RTL1: variants seen among roughly 807,000 people sequenced by gnomAD.
The protein encoded by RTL1 is retrotransposon-like protein 1.
For synonymous variants in RTL1, 727 were observed against 748.4 expected (o/e 0.97, Z 0.47); for missense variants, 1,681 against 1,767.5 (o/e 0.95, Z 0.88).
At position 100,893,862 on chromosome 14, in the gene RTL1, A is replaced by C. The variant is rs2038816428; in HGVS notation, c.-148-357T>G. 6.6e-6 allele frequency among the ~76,000 whole-genome samples: 1 copy of C among 152,222 alleles called. No individual in the cohort carries two copies. Among genetic ancestry groups the C allele is most frequent in the African/African-American group, 2.4e-5 (1 of 41,464 alleles). ...CACACCCGGGCCCACGCTCACTTTA[A>C]TAACCCGGACTGGGCAAGGACTAAG... On this transcript the variant is annotated intron_variant, in intron 2 of 3. Coordinates refer to ENST00000649591, the MANE Select transcript of RTL1 (RefSeq NM_001134888.3). The surrounding 1 kb of genome is among the most constrained non-coding windows in gnomAD (Gnocchi z 4.2).
chr14:100,884,001 A>G lies in RTL1; in HGVS notation c.788T>C (p.Leu263Pro). ...AKALLQENSP[L>P]IGDFPAFLEA... ...CAGGAAGGCTGGGAAGTCTCCGATCAGGGGGCTGTTTTCCTGCAGTAGAGC... is the reference window on the plus strand; with the variant it reads ...CAGGAAGGCTGGGAAGTCTCCGATCGGGGGGCTGTTTTCCTGCAGTAGAGC... Residue 263 changes from leucine (L) to proline (P), a missense_variant, in exon 4 of 4, where the codon CTG (leucine) becomes CCG (proline). Transcript: ENST00000649591. 3 of 1,551,708 alleles carry G rather than the reference A, an allele frequency of 1.9e-6. No individual in the cohort carries two copies. The highest frequency in any genetic ancestry group is 2.6e-6 in the Non-Finnish European group (3 of 1,147,004).
chr14:100,896,957 G>A (rs953233933), intron 2 of RTL1, among the ~76,000 whole-genome samples: 12 of 152,008 alleles, frequency 7.9e-5, no homozygotes, highest in Non-Finnish European at 1.5e-4. Context: ...CAAGAACACC[G>A]GCCAGGGCAT....
chr14:100,884,437 A>T lies in RTL1; in HGVS notation c.352T>A (p.Ser118Thr). 1 of 1,613,780 alleles carries T rather than the reference A, an allele frequency of 6.2e-7. No homozygotes were observed. The highest frequency in any genetic ancestry group is 1.7e-5 in the Admixed American group (1 of 59,978). Residue 118 changes from serine (S) to threonine (T), a missense_variant, in exon 4 of 4, where the codon TCT (serine) becomes ACT (threonine). Physicochemically the swap from Ser to Thr is moderately conservative, Grantham distance 58. Coordinates refer to ENST00000649591, the MANE Select transcript of RTL1 (RefSeq NM_001134888.3). ...ACTGATGCTTCTTTCATCCTATCAG[A>T]TGCTCCACTGAGTGGATCCCCCCTT... ...QARGDPLSGA[S>T]DRMKEASVNP...
intron 3 of RTL1, among the ~76,000 whole-genome samples, chr14:100,891,531 G>T (rs1297043030): frequency 1.3e-5 from 2 of 152,182 alleles, no homozygotes; most frequent in Non-Finnish European, 2.9e-5. Context: ...GGGAGTGCCT[G>T]GGCCCAGCAG....
Position 100,884,465 on chromosome 14 carries a change from C to T in RTL1, c.324G>A (p.Gln108=). Residue 108 remains glutamine, a synonymous_variant, in exon 4 of 4, where the codon CAG becomes CAA. Coordinates refer to ENST00000649591, the MANE Select transcript of RTL1 (RefSeq NM_001134888.3). ...DLEESCNGSH[Q]ARGDPLSGAS... ...CTCCACTGAGTGGATCCCCCCTTGC[C>T]TGGTGTGAACCGTTGCATGACTCCT... is the stretch of plus-strand genomic sequence containing the variant. 1 of 1,614,196 alleles carries T rather than the reference C, an allele frequency of 6.2e-7. No homozygotes were observed. Among genetic ancestry groups the T allele is most frequent in the South Asian group, 1.1e-5 (1 of 91,076 alleles).
At position 100,882,556 on chromosome 14, in the gene RTL1, G is replaced by A; in HGVS notation, c.2233C>T (p.His745Tyr). Residue 745 changes from histidine (H) to tyrosine (Y), a missense_variant, in exon 4 of 4, where the codon CAC becomes TAC. His to Tyr is a moderately conservative substitution (Grantham distance 83). Coordinates refer to ENST00000649591, the MANE Select transcript of RTL1 (RefSeq NM_001134888.3). ...AGGACTTGGCGGACGTGGTGGAGGT[G>A]CTCCTCCTGACTCATTGAGTAGATC... ...VLIYSMSQEE[H>Y]LHHVRQVLVR... 6.4e-7 allele frequency: 1 copy of A among 1,551,774 alleles called. No homozygotes were observed. The highest frequency in any genetic ancestry group is 8.7e-7 in the Non-Finnish European group (1 of 1,147,034).
intron 2 of RTL1, among the ~76,000 whole-genome samples, chr14:100,901,868 C>G (rs1000568738): frequency 1.3e-5 from 2 of 152,238 alleles, no homozygotes. Context: ...CGCCAACCAT[C>G]TCTGTGCCTT....
intron 2 of RTL1, among the ~76,000 whole-genome samples, chr14:100,899,918 A>G (rs1436802702): frequency 6.6e-6 from 1 of 152,076 alleles, no homozygotes; most frequent in East Asian, 1.9e-4. Context: ...GGGAGACCCA[A>G]CAGAGGACAA....
At chr14:100,892,840 C>A (rs755488) in intron 3 of RTL1, among the ~76,000 whole-genome samples, 1 of 152,024 alleles carries the variant, frequency 6.6e-6, no homozygotes, top group Non-Finnish European at 1.5e-5. Context: ...CTGTGTCAGG[C>A]GTGATTCTAG....
At position 100,882,838 on chromosome 14, in the gene RTL1, G is replaced by A; in HGVS notation, c.1951C>T (p.Pro651Ser). The A allele has an allele frequency of 6.4e-7, 1 of 1,553,680 alleles. No individual in the cohort carries two copies. The highest frequency in any genetic ancestry group is 8.7e-7 in the Non-Finnish European group (1 of 1,147,652). ...CCGTGTAACTGGTCAAACAGTTCCGGAATCATCTGTATGTAGTCCTGTCTG... is the reference window on the plus strand; with the variant it reads ...CCGTGTAACTGGTCAAACAGTTCCGAAATCATCTGTATGTAGTCCTGTCTG... ...TNRQDYIQMI[P>S]ELFDQLHGAE... Residue 651 changes from proline to serine, a missense_variant, in exon 4 of 4, where the codon CCG becomes TCG. Transcript: ENST00000649591.
At chr14:100,888,464 TG>T (rs1456715380) in intron 3 of RTL1, among the ~76,000 whole-genome samples, 1 of 124,140 alleles carries the variant, frequency 8.1e-6, no homozygotes, top group East Asian at 2.0e-4. Flanking sequence ...AGCCCTTTAT[TG>T]GCTTAAATCC....
At chr14:100,903,054 A>C (rs1469743479) in intron 2 of RTL1, among the ~76,000 whole-genome samples, 1 of 152,182 alleles carries the variant, frequency 6.6e-6, no homozygotes, top group Non-Finnish European at 1.5e-5. Flanking sequence ...AGGCAGCATA[A>C]ATGACATGCA....
At chr14:100,891,072 G>A (rs1220668394) in intron 3 of RTL1, among the ~76,000 whole-genome samples, 2 of 152,134 alleles carry the variant, frequency 1.3e-5, no homozygotes, top group East Asian at 1.9e-4. Context: ...ATTCCTGGGG[G>A]CTTCCTGAGG....
chr14:100,894,944 G>GC (rs2038834579), intron 2 of RTL1: 1 of 152,188 alleles, frequency 6.6e-6, no homozygotes, highest in South Asian at 2.1e-4. Flanking sequence ...CAGCCCTGCT[G>GC]CCCCCAAGAT....
Position 100,882,188 on chromosome 14 carries a change from G to C in RTL1, c.2601C>G (p.His867Gln), listed in dbSNP as rs893527216. The change falls in exon 4 of 4, where the codon CAC (histidine) becomes CAG (glutamine). Residue 867 changes from histidine to glutamine, a missense_variant. Transcript: ENST00000649591. Reference sequence around the variant, plus strand: ...AGAATGGGTTCTGGGGCTTGGGGTGGTGGAGGAGAGGCGCCTTGCGGAAAG... The same window carrying C: ...AGAATGGGTTCTGGGGCTTGGGGTGCTGGAGGAGAGGCGCCTTGCGGAAAG... ...KRAFRKAPLL[H>Q]HPKPQNPFYL... The C allele has an allele frequency of 6.4e-7, 1 of 1,550,492 alleles. No homozygotes were observed. The highest frequency in any genetic ancestry group is 1.4e-5 in the African/African-American group (1 of 73,176).
rs1360827795 is a variant in RTL1 at position 100,883,540 on chromosome 14, C to T, written c.1249G>A (p.Val417Met). The stretch of plus-strand genomic sequence containing the variant: ...ACCGCGACGCTGTGGTAGGGGTTCA[C>T]TCTCACCATGAGCAGCAGGAAGAGG... ...AHLFLLLMVR[V>M]NPYHSVAVQA... Residue 417 changes from valine (V) to methionine (M), a missense_variant, in exon 4 of 4, where the codon GTG becomes ATG. Physicochemically the swap from Val to Met is conservative, Grantham distance 21 (BLOSUM62 1). Transcript: ENST00000649591. The surrounding 1 kb of genome is among the most constrained non-coding windows in gnomAD (Gnocchi z 5.9). 6.4e-7 allele frequency: 1 copy of T among 1,551,550 alleles called. No homozygotes were observed. Among genetic ancestry groups the T allele is most frequent in the Non-Finnish European group, 8.7e-7 (1 of 1,146,990 alleles).
rs778892832 is a variant in RTL1, at chr14:100,883,085, C to G, written c.1704G>C (p.Pro568=). ...CGGAAGTCTCATCATCTGCTTCCTT[C>G]GGGTTAAACACGTCGGCCAGGTCTG... ...PYSDLADVFN[P]KEADDETSDQ... The change falls in exon 4 of 4, where the codon CCG becomes CCC. Residue 568 remains proline, a synonymous_variant. Coordinates refer to ENST00000649591, the MANE Select transcript of RTL1 (RefSeq NM_001134888.3). This position sits in a 1 kb window ranked among gnomAD's most constrained non-coding sequence, Gnocchi z 5.9. 4 of 1,613,948 alleles carry G rather than the reference C, an allele frequency of 2.5e-6. No individual in the cohort carries two copies. The highest frequency in any genetic ancestry group is 3.4e-6 in the Non-Finnish European group (4 of 1,179,990).
In RTL1 at chr14:100,882,438, G is replaced by T. The variant is rs567941219; in HGVS notation, c.2351C>A (p.Pro784His). 2.6e-6 allele frequency: 4 copies of T among 1,552,040 alleles called. No individual in the cohort carries two copies. Among genetic ancestry groups the T allele is most frequent in the South Asian group, 1.2e-5 (1 of 84,064 alleles). ...TVEFLGFVVTPKGVKLNKNVM... is the reference protein window; with the variant it reads ...TVEFLGFVVTHKGVKLNKNVM... The stretch of plus-strand genomic sequence containing the variant: ...GTTCTTGTTCAGTTTCACCCCTTTG[G>T]GGGTGACGACGAAGCCCAGGAATTC... The change falls in exon 4 of 4, where the codon CCC becomes CAC. Residue 784 changes from proline to histidine, a missense_variant. By Grantham distance (77) the Pro-to-His change is moderately conservative (BLOSUM62 -2). Transcript: ENST00000649591.
intron 3 of RTL1, among the ~76,000 whole-genome samples, chr14:100,892,427 C>T (rs1001641390): frequency 5.3e-5 from 8 of 152,150 alleles, no homozygotes; most frequent in African/African-American, 1.9e-4. Flanking sequence ...GTGTGTGAAG[C>T]CCTTTGTAAA....
Sources: gnomAD v4.1 joint callset for allele counts (sites outside exome capture counted in the v4.1 genomes callset) on GRCh38, gnomAD v4.1.1 for gene constraint, Gnocchi (gnomAD v3.1) non-coding constraint, MANE v1.5 for transcripts, NCBI Gene and HGNC (gene_info 2026-07-23, HGNC 2026-07-21) for gene names.